Variants in RBL1 observed in about 807,000 individuals in gnomAD.
The protein encoded by RBL1 is retinoblastoma-like protein 1.
Under a neutral mutation model 123.0 loss-of-function variants are expected in RBL1, and 82 were observed. That is an observed-to-expected ratio of 0.67 (90% confidence interval 0.56 to 0.80). The LOEUF is 0.80. Ranked by LOEUF, RBL1 falls within the 30% of genes least tolerant of loss-of-function variation. RBL1 has a pLI of 0.00. For synonymous variants in RBL1, 405 were observed against 441.3 expected (o/e 0.92, Z 1.03); for missense variants, 1,171 against 1,299.6 (o/e 0.90, Z 1.52).
intron 1 of RBL1, among the ~76,000 whole-genome samples, chr20:37,094,707 A>G (rs2065700844): frequency 1.3e-5 from 2 of 151,884 alleles, no homozygotes; most frequent in African/African-American, 4.8e-5. Context: ...TGTGATCTCC[A>G]CTCACTGCGG....
At position 37,095,783 on chromosome 20, in the gene RBL1, T is replaced by C. The variant is rs749230435; in HGVS notation, c.146A>G (p.Tyr49Cys). 6 of 1,608,668 alleles carry C rather than the reference T, an allele frequency of 3.7e-6. No individual in the cohort carries two copies. The highest frequency in any genetic ancestry group is 5.1e-6 in the Non-Finnish European group (6 of 1,177,810). The change falls in exon 1 of 22, where the codon TAC (tyrosine) becomes TGC (cysteine). Residue 49 changes from tyrosine (Y) to cysteine (C), a missense_variant. By Grantham distance (194) the Tyr-to-Cys change is radical (BLOSUM62 -2). Coordinates refer to ENST00000373664, the MANE Select transcript of RBL1 (RefSeq NM_002895.5). ...LDDFTAIRGN[Y>C]SLEGEVTHWL... is the part of the protein sequence containing the mutation. The stretch of plus-strand genomic sequence containing the variant: ...CCTGCTGCCGCTCACCTCTAGGCTG[T>C]AGTTGCCTCGGATGGCAGTAAAGTC...
chr20:37,093,701 G>A (rs2065684512), intron 1 of RBL1, among the ~76,000 whole-genome samples: 1 of 151,102 alleles, frequency 6.6e-6, no homozygotes, highest in Non-Finnish European at 1.5e-5. Context: ...GAGTGCAATG[G>A]CGTGATCTTG....
At chr20:37,005,031 ACT>A (rs773677696) in intron 20 of RBL1, among the ~76,000 whole-genome samples, 1 of 151,798 alleles carries the variant, frequency 6.6e-6, no homozygotes, top group African/African-American at 2.4e-5. Context: ...ACAGAGTGAG[ACT>A]CTGTCTCAAA....
At chr20:37,090,189 A>G (rs2065625692) in intron 1 of RBL1, among the ~76,000 whole-genome samples, 1 of 152,250 alleles carries the variant, frequency 6.6e-6, no homozygotes, top group African/African-American at 2.4e-5. Context: ...GTACAGAAAC[A>G]TGCTGAACAA....
In RBL1 at chr20:37,086,225, T is replaced by A. The variant is rs570624296; in HGVS notation, c.290+2764A>T. On this transcript the variant is annotated intron_variant, in intron 2 of 21. Transcript: ENST00000373664. ...GATAATGTCTTGCTCAATTAAAAAA[T>A]TAACCCCATTGATCTTCATTTAATT... Among the ~76,000 whole-genome samples, 681 of 152,324 alleles carry A rather than the reference T, an allele frequency of 4.5e-3. 8 individuals carry two copies. The highest frequency in any genetic ancestry group is 6.5e-3 in the Non-Finnish European group (443 of 68,040).
intron 2 of RBL1, among the ~76,000 whole-genome samples, chr20:37,081,487 A>AAAAAC (rs1444862639): frequency 4.6e-5 from 7 of 152,080 alleles, no homozygotes; most frequent in Non-Finnish European, 1.0e-4. Context: ...AGAAAAGACA[A>AAAAAC]AAAACAAAAC....
chr20:37,031,042 T>C (rs1421325602), intron 16 of RBL1, among the ~76,000 whole-genome samples: 1 of 151,694 alleles, frequency 6.6e-6, no homozygotes, highest in African/African-American at 2.4e-5. Context: ...TGAGACTCTG[T>C]CTCAAAAAAA....
At chr20:37,091,498 G>A (rs1055346574) in intron 1 of RBL1, among the ~76,000 whole-genome samples, 4 of 151,676 alleles carry the variant, frequency 2.6e-5, no homozygotes, top group Non-Finnish European at 5.9e-5. Flanking sequence ...TGAGACCCCC[G>A]TCTGTACAAA....
At chr20:37,012,963 TG>T (rs1403515255) in intron 19 of RBL1, among the ~76,000 whole-genome samples, 1 of 141,444 alleles carries the variant, frequency 7.1e-6, no homozygotes, top group African/African-American at 2.7e-5. Context: ...GGGAGGGAGG[TG>T]GGGGGGTCAG....
chr20:37,089,281 G>A (rs1231060389), intron 1 of RBL1, among the ~76,000 whole-genome samples, 159 bp from the exon 2 acceptor site: 1 of 152,160 alleles, frequency 6.6e-6, no homozygotes, highest in Non-Finnish European at 1.5e-5. Context: ...AAAGCTGTTA[G>A]TTGCAGTAAT....
At chr20:37,069,604 A>C (rs1228821647) in intron 2 of RBL1, among the ~76,000 whole-genome samples, 1 of 132,980 alleles carries the variant, frequency 7.5e-6, no homozygotes, top group Non-Finnish European at 1.6e-5. Flanking sequence ...CTGCCCGGCA[A>C]CCGCCCCGTC....
rs983522639 is a variant in RBL1, at chr20:36,998,105, C to T, written c.*654G>A. 1 of 151,924 alleles carries T rather than the reference C, an allele frequency of 6.6e-6. No homozygotes were observed. The allele number at this position is 151,924 out of a possible 1,614,324, so 9.4% of individuals were successfully genotyped here. A position where few individuals can be genotyped will look rare whatever the true frequency, so the allele number is the denominator to read the frequency against. On this transcript the variant is annotated 3_prime_UTR_variant, in exon 22 of 22. Coordinates refer to ENST00000373664, the MANE Select transcript of RBL1 (RefSeq NM_002895.5). Reference sequence around the variant, plus strand: ...CTATCAAAAGTAGATTATTTATCCTCATATTACAGAACACAGAAGGAGACA... The same window carrying T: ...CTATCAAAAGTAGATTATTTATCCTTATATTACAGAACACAGAAGGAGACA...
chr20:37,068,218 C>T (rs907708240), intron 2 of RBL1, 32 bp from the exon 3 acceptor site: 1 of 1,518,638 alleles, frequency 6.6e-7, no homozygotes, highest in African/African-American at 1.4e-5. Context: ...AAAAAGGCAC[C>T]TTTAAAATTC....
rs2064533481 is a variant in RBL1 at position 37,032,724 on chromosome 20, G to GT, written c.2322dup (p.His775ThrfsTer31). On this transcript the variant is annotated frameshift_variant, in exon 16 of 22. Transcript: ENST00000373664. LOFTEE classifies it high-confidence loss of function. ...TTTGGCCTGTTTATTCCAGTTGAAT[G>GT]TACCTCTTGTGCTTTAGTCAGATTG... 6.2e-7 allele frequency: 1 copy of GT among 1,613,928 alleles called. No individual in the cohort carries two copies. The highest frequency in any genetic ancestry group is 8.5e-7 in the Non-Finnish European group (1 of 1,179,986).
At chr20:37,033,214 C>G (rs1015867002) in intron 15 of RBL1, among the ~76,000 whole-genome samples, 3 of 146,632 alleles carry the variant, frequency 2.0e-5, no homozygotes, top group Non-Finnish European at 3.0e-5. Flanking sequence ...GAGATGGAGT[C>G]TTGCTCTGTC....
chr20:37,069,519 G>GCC (rs1270674637), intron 2 of RBL1, among the ~76,000 whole-genome samples: 1 of 151,618 alleles, frequency 6.6e-6, no homozygotes, highest in Non-Finnish European at 1.5e-5. Flanking sequence ...GAGCACCTCT[G>GCC]CCCGGCTGCG....
chr20:37,060,489 T>C (rs75222753), intron 9 of RBL1, among the ~76,000 whole-genome samples: 2 of 152,004 alleles, frequency 1.3e-5, no homozygotes, highest in Non-Finnish European at 2.9e-5. Flanking sequence ...TAATTTTTTT[T>C]AAGAGACAAA....
Position 37,081,642 on chromosome 20 carries a change from G to C in RBL1, c.290+7347C>G, listed in dbSNP as rs188112538. ...CCATTGCACTCCAGCCTGAGCAACA[G>C]AGTAAAAGCCTGTCTCTAAAAAACA... On this transcript the variant is annotated intron_variant, in intron 2 of 21. Coordinates refer to ENST00000373664, the MANE Select transcript of RBL1 (RefSeq NM_002895.5). Among the ~76,000 whole-genome samples, 6 of 152,198 alleles carry C rather than the reference G, an allele frequency of 3.9e-5. No homozygotes were observed. In the East Asian group the frequency reaches 1.2e-3, roughly 29 times the overall value.
At chr20:37,073,235 A>G (rs1010983023) in intron 2 of RBL1, among the ~76,000 whole-genome samples, 5 of 151,892 alleles carry the variant, frequency 3.3e-5, no homozygotes, top group Admixed American at 2.6e-4. Context: ...TGTACATACT[A>G]CTCTCCCAAG....
Sources: gnomAD v4.1 joint callset for allele counts (sites outside exome capture counted in the v4.1 genomes callset) on GRCh38, gnomAD v4.1.1 for gene constraint, MANE v1.5 for transcripts, NCBI Gene and HGNC (gene_info 2026-07-23, HGNC 2026-07-21) for gene names.